KHDRBS2: variants seen among roughly 807,000 people sequenced by gnomAD.
The protein encoded by KHDRBS2 is KH domain-containing, RNA-binding, signal transduction-associated protein 2.
A neutral mutation model predicts 44.3 loss-of-function variants in KHDRBS2; 26 were observed. The ratio of observed to expected loss-of-function variants is 0.59; its 90% confidence interval spans 0.43 to 0.81. The LOEUF (loss-of-function observed/expected upper bound fraction) is 0.81. Ranked by LOEUF, KHDRBS2 falls within the 40% of genes least tolerant of loss-of-function variation. The pLI is 0.00. For synonymous variants in KHDRBS2, 194 were observed against 151.1 expected (o/e 1.28, Z -2.08); for missense variants, 476 against 433.1 (o/e 1.10, Z -0.88).
chr6:61,877,178 G>T (rs1474096102), intron 6 of KHDRBS2, among the ~76,000 whole-genome samples: 16 of 152,054 alleles, frequency 1.1e-4, no homozygotes, highest in African/African-American at 3.4e-4. Context: ...GGCAAAGATT[G>T]TTGACCCCTG....
chr6:62,278,206 A>AT (rs1237712669), intron 1 of KHDRBS2, among the ~76,000 whole-genome samples: 1 of 152,244 alleles, frequency 6.6e-6, no homozygotes, highest in Non-Finnish European at 1.5e-5. Flanking sequence ...TATTTCTCAT[A>AT]ATATAGCCAA....
At chr6:61,922,404 C>T (rs1403146111) in intron 4 of KHDRBS2, among the ~76,000 whole-genome samples, 2 of 151,992 alleles carry the variant, frequency 1.3e-5, no homozygotes, top group Non-Finnish European at 2.9e-5. Context: ...TGTTGACCGT[C>T]AAGGGAGACC....
chr6:61,680,193 A>C lies in KHDRBS2; in HGVS notation c.*770T>G, dbSNP rs1340802072. On this transcript the variant is annotated 3_prime_UTR_variant, in exon 9 of 9. Coordinates refer to ENST00000281156, the MANE Select transcript of KHDRBS2 (RefSeq NM_152688.4). ...ATTTTAGGCATCTCTTGAAGAAGAA[A>C]TAAAGCAGGCATTTAAAGCTAGAAA... 6.6e-6 allele frequency: 1 copy of C among 152,392 alleles called. No individual in the cohort carries two copies. The highest frequency in any genetic ancestry group is 2.4e-5 in the African/African-American group (1 of 41,434). The allele number at this position is 152,392 out of a possible 1,614,324, so 9.4% of individuals were successfully genotyped here.
At chr6:61,875,087 A>G (rs1408600971) in intron 6 of KHDRBS2, among the ~76,000 whole-genome samples, 1 of 152,032 alleles carries the variant, frequency 6.6e-6, no homozygotes, top group African/African-American at 2.4e-5. Flanking sequence ...GGTGTTAGCT[A>G]AGGAATGGTA....
chr6:61,935,275 T>G (rs1328615896), intron 4 of KHDRBS2, among the ~76,000 whole-genome samples: 1 of 152,156 alleles, frequency 6.6e-6, no homozygotes, highest in Non-Finnish European at 1.5e-5. Context: ...TGAAAGATGT[T>G]TAAAGCTCAT....
chr6:62,279,333 G>A (rs1012765792), intron 1 of KHDRBS2, among the ~76,000 whole-genome samples: 20 of 152,112 alleles, frequency 1.3e-4, no homozygotes, highest in African/African-American at 4.8e-4. Flanking sequence ...GATAAAATAT[G>A]ACTGAATTAG....
chr6:62,033,108 G>T (rs1026339210), intron 3 of KHDRBS2, among the ~76,000 whole-genome samples: 2 of 151,904 alleles, frequency 1.3e-5, no homozygotes, highest in Admixed American at 1.3e-4. Context: ...TAGCAAAATA[G>T]ATCAAGCAGA....
intron 3 of KHDRBS2, among the ~76,000 whole-genome samples, chr6:62,026,134 G>C (rs1222414926): frequency 6.6e-6 from 1 of 151,718 alleles, no homozygotes; most frequent in African/African-American, 2.4e-5. Flanking sequence ...CTTCTATTAT[G>C]ATGAGGTATT....
chr6:62,219,774 T>TTA (rs1830574690), intron 1 of KHDRBS2, among the ~76,000 whole-genome samples: 1 of 148,662 alleles, frequency 6.7e-6, no homozygotes, highest in South Asian at 2.1e-4. Flanking sequence ...TTTTCAAGTT[T>TTA]TATATATATA....
intron 2 of KHDRBS2, among the ~76,000 whole-genome samples, chr6:62,158,348 G>A (rs1816899837): frequency 6.6e-6 from 1 of 152,106 alleles, no homozygotes; most frequent in Non-Finnish European, 1.5e-5. Context: ...GTACATAAAT[G>A]TTCATGTATT....
intron 6 of KHDRBS2, among the ~76,000 whole-genome samples, chr6:61,757,173 A>G (rs1053476753): frequency 2.0e-5 from 3 of 152,142 alleles, no homozygotes; most frequent in Admixed American, 2.0e-4. Context: ...ATAATTGTCA[A>G]TTAGGGCAGA....
intron 2 of KHDRBS2, among the ~76,000 whole-genome samples, chr6:62,061,680 T>C (rs894049043): frequency 1.3e-5 from 2 of 151,312 alleles, no homozygotes; most frequent in Non-Finnish European, 2.9e-5. Flanking sequence ...AGGAGTATCT[T>C]TGTGGCCTTC....
chr6:61,967,204 C>CAA, intron 4 of KHDRBS2, among the ~76,000 whole-genome samples: 1 of 123,636 alleles, frequency 8.1e-6, no homozygotes, highest in African/African-American at 2.9e-5. Flanking sequence ...ACTATGTTTA[C>CAA]AAAAAAAAAA....
chr6:61,938,346 A>G (rs1811435828), intron 4 of KHDRBS2, among the ~76,000 whole-genome samples: 1 of 152,160 alleles, frequency 6.6e-6, no homozygotes, highest in Admixed American at 6.6e-5. Context: ...GGAAAGCCAT[A>G]GAGTTAGGAA....
chr6:61,981,851 T>C (rs1349533843), intron 3 of KHDRBS2, among the ~76,000 whole-genome samples: 1 of 152,188 alleles, frequency 6.6e-6, no homozygotes, highest in Admixed American at 6.5e-5. Context: ...CTTATATTTG[T>C]ATGGGTAGAT....
chr6:62,282,467 C>G (rs1227593663), intron 1 of KHDRBS2, among the ~76,000 whole-genome samples: 1 of 152,092 alleles, frequency 6.6e-6, no homozygotes, highest in Non-Finnish European at 1.5e-5. Context: ...CCAAACCTCT[C>G]TTAATTGGAC....
chr6:61,968,546 A>G lies in KHDRBS2; in HGVS notation c.483+9520T>C, dbSNP rs1321212052. On this transcript the variant is annotated intron_variant, in intron 4 of 8. Coordinates refer to ENST00000281156, the MANE Select transcript of KHDRBS2 (RefSeq NM_152688.4). ...GTGCAGGAAAAATTGCACCTGTGTT[A>G]CCACTAAAAGCAATATTGGCAAGTG... 2.0e-5 allele frequency among the ~76,000 whole-genome samples: 3 copies of G among 152,066 alleles called. No homozygotes were observed. The East Asian group carries it at 5.8e-4, about 29-fold the overall frequency.
chr6:62,249,209 A>G (rs889765817), intron 1 of KHDRBS2, among the ~76,000 whole-genome samples: 1 of 152,090 alleles, frequency 6.6e-6, no homozygotes, highest in African/African-American at 2.4e-5. Context: ...CTTAAATGCC[A>G]TAATTATGGA....
intron 6 of KHDRBS2, among the ~76,000 whole-genome samples, chr6:61,819,185 A>G (rs1309529636): frequency 6.6e-6 from 1 of 152,022 alleles, no homozygotes; most frequent in Non-Finnish European, 1.5e-5. Context: ...TAAACTATAA[A>G]ATGATTTCAT....
Sources: gnomAD v4.1 joint callset for allele counts (sites outside exome capture counted in the v4.1 genomes callset) on GRCh38, gnomAD v4.1.1 for gene constraint, MANE v1.5 for transcripts, NCBI Gene and HGNC (gene_info 2026-07-23, HGNC 2026-07-21) for gene names.